Variants in CDC123 observed in about 807,000 individuals in gnomAD.
CDC123 encodes the protein cell division cycle 123.
Under a neutral mutation model 54.4 loss-of-function variants are expected in CDC123, and 37 were observed. The observed-to-expected ratio is 0.68, with a 90% CI of 0.52 to 0.89. The LOEUF is 0.89. Among genes scored for constraint, CDC123 ranks in the 40% least tolerant of loss-of-function variants. The probability of loss-of-function intolerance (pLI) is 0.00; values close to 1 mark genes in which losing one functional copy is unlikely to be tolerated. For synonymous variants in CDC123, 144 were observed against 136.8 expected, an observed-to-expected ratio of 1.05 and a Z score of -0.37; for missense variants, 361 against 412.1, an observed-to-expected ratio of 0.88 and a Z score of 1.07.
At chr10:12,199,748 A>G (rs150211838) in intron 2 of CDC123, among the ~76,000 whole-genome samples, 1 of 152,296 alleles carries the variant, frequency 6.6e-6, no homozygotes, top group African/African-American at 2.4e-5. Flanking sequence ...TTAACTTTGA[A>G]TAATTTGAGG....
intron 2 of CDC123, among the ~76,000 whole-genome samples, chr10:12,209,294 C>T (rs12098436): frequency 0.024 from 3,654 of 152,122 alleles, 145 homozygotes; most frequent in African/African-American, 0.084. Flanking sequence ...TATAGTGCAG[C>T]GGTGTGATCT....
chr10:12,230,500 C>T (rs1453202805), intron 6 of CDC123, among the ~76,000 whole-genome samples: 1 of 152,192 alleles, frequency 6.6e-6, no homozygotes, highest in Non-Finnish European at 1.5e-5. Context: ...TCCTGGGGTA[C>T]ATGGCATGTT....
chr10:12,235,415 T>C (rs538203714), intron 8 of CDC123, among the ~76,000 whole-genome samples: 1 of 152,288 alleles, frequency 6.6e-6, no homozygotes, highest in East Asian at 1.9e-4. Flanking sequence ...TCAGGAACTC[T>C]GTGTATGGAA....
chr10:12,208,881 T>C lies in CDC123; in HGVS notation c.147-1086T>C, dbSNP rs570358451. 4.6e-5 allele frequency among the ~76,000 whole-genome samples: 7 copies of C among 152,168 alleles called. No individual in the cohort carries two copies. The East Asian group carries it at 7.7e-4, about 17-fold the overall frequency. ...GACAGCATGCCTGTTTATTTTCCCCTCTCTCTCTCACCCTTTGCTGTGGTT... is the reference window on the plus strand; with the variant it reads ...GACAGCATGCCTGTTTATTTTCCCCCCTCTCTCTCACCCTTTGCTGTGGTT... On this transcript the variant is annotated intron_variant, in intron 2 of 12. Transcript: ENST00000281141.
intron 11 of CDC123, chr10:12,247,456 A>C (rs79031408): frequency 6.0e-5 from 3 of 50,122 alleles, no homozygotes; most frequent in Non-Finnish European, 1.4e-4. Flanking sequence ...CCTCCCCCTC[A>C]GGACACCGTG....
At chr10:12,197,380 G>A (rs1564430659) in intron 1 of CDC123, among the ~76,000 whole-genome samples, 1 of 92,492 alleles carries the variant, frequency 1.1e-5, no homozygotes, top group Non-Finnish European at 2.6e-5. Context: ...TGAAGAACTA[G>A]ATTTTTTTTT....
chr10:12,250,331 C>T lies in CDC123; in HGVS notation c.1005C>T (p.Asp335=), dbSNP rs373274209. The change falls in exon 13 of 13, where the codon GAC becomes GAT. Residue 335 remains aspartate, a synonymous_variant. Transcript: ENST00000281141. ...FLKLKRNQQE[D]D ...GACAGAAGAGAAATCAGCAGGAGGA[C>T]GACTGATGAGCGTACTGGAACTGGA... 213 of 1,601,156 alleles carry T rather than the reference C, an allele frequency of 1.3e-4. No individual in the cohort carries two copies. The highest frequency in any genetic ancestry group is 3.8e-4 in the South Asian group (34 of 90,360).
intron 6 of CDC123, among the ~76,000 whole-genome samples, chr10:12,227,119 G>A (rs965061979): frequency 6.6e-6 from 1 of 152,162 alleles, no homozygotes; most frequent in Non-Finnish European, 1.5e-5. Flanking sequence ...AGTCAGGCGT[G>A]GCGGCGTGCG....
chr10:12,237,200 G>C lies in CDC123; in HGVS notation c.622G>C (p.Glu208Gln), dbSNP rs1382116509. ...YYDHISKQKEEIRRCIQDFFK... is the reference protein window; with the variant it reads ...YYDHISKQKEQIRRCIQDFFK... ...TGATCATATTTCTAAACAAAAGGAA[G>C]AAATTCGCAGATGCATACAAGACTT... is the stretch of plus-strand genomic sequence containing the variant. Residue 208 changes from glutamate to glutamine, a missense_variant, in exon 9 of 13, where the codon GAA becomes CAA. By Grantham distance (29) the Glu-to-Gln change is conservative. Transcript: ENST00000281141. 1.6e-5 allele frequency: 26 copies of C among 1,588,762 alleles called. No individual in the cohort carries two copies. The highest frequency in any genetic ancestry group is 2.2e-5 in the Non-Finnish European group (26 of 1,170,918).
chr10:12,211,745 G>C (rs1454839303), intron 4 of CDC123, among the ~76,000 whole-genome samples: 1 of 152,240 alleles, frequency 6.6e-6, no homozygotes, highest in African/African-American at 2.4e-5. Context: ...CAGAATGCCT[G>C]ACAGGACAAG....
At chr10:12,212,849 A>G (rs1308216203) in intron 4 of CDC123, among the ~76,000 whole-genome samples, 2 of 152,214 alleles carry the variant, frequency 1.3e-5, no homozygotes, top group African/African-American at 4.8e-5. Context: ...CCCATTATGT[A>G]TATGCAAATA....
intron 10 of CDC123, among the ~76,000 whole-genome samples, chr10:12,239,111 C>T (rs112942705): frequency 0.01 from 1,574 of 152,082 alleles, 14 homozygotes; most frequent in Middle Eastern, 0.024. Context: ...GCCTTGATTG[C>T]GCCACTGCTC....
chr10:12,226,884 C>G (rs892248283), intron 6 of CDC123, among the ~76,000 whole-genome samples: 1 of 152,116 alleles, frequency 6.6e-6, no homozygotes, highest in African/African-American at 2.4e-5. Context: ...AATCTCGGCA[C>G]TTTGGGAGGC....
chr10:12,212,631 C>G (rs1835617916), intron 4 of CDC123, among the ~76,000 whole-genome samples: 1 of 152,166 alleles, frequency 6.6e-6, no homozygotes, highest in South Asian at 2.1e-4. Context: ...TGCCAGCATG[C>G]TTAGCTCCCA....
chr10:12,245,119 C>G (rs1836113672), intron 10 of CDC123: 1 of 152,344 alleles, frequency 6.6e-6, no homozygotes, highest in East Asian at 1.9e-4. Flanking sequence ...AAGCGCTGCT[C>G]TCTGGAGTCG....
chr10:12,250,379 G>C lies in CDC123; in HGVS notation c.*42G>C. ...GGAGAAGAGGAGGCCCCGCCCCACCGCTCCGGGAGCTGCTCATCAGCCGCA... is the reference window on the plus strand; with the variant it reads ...GGAGAAGAGGAGGCCCCGCCCCACCCCTCCGGGAGCTGCTCATCAGCCGCA... On this transcript the variant is annotated 3_prime_UTR_variant, in exon 13 of 13. Coordinates refer to ENST00000281141, the MANE Select transcript of CDC123 (RefSeq NM_006023.3). The C allele has an allele frequency of 6.6e-7, 1 of 1,506,262 alleles. No individual in the cohort carries two copies. The highest frequency in any genetic ancestry group is 1.1e-5 in the South Asian group (1 of 88,706). The allele number at this position is 1,506,262 out of a possible 1,614,324, so 93.3% of individuals were successfully genotyped here.
At chr10:12,248,698 C>T (rs1207306590) in intron 11 of CDC123, among the ~76,000 whole-genome samples, 8 of 148,494 alleles carry the variant, frequency 5.4e-5, no homozygotes, top group East Asian at 2.0e-4. Context: ...CCCAGCCACT[C>T]GGGAGGCTGA....
intron 6 of CDC123, 77 bp downstream of exon 6, chr10:12,217,544 T>G (rs1835678928): frequency 7.0e-7 from 1 of 1,434,134 alleles, no homozygotes; most frequent in Non-Finnish European, 9.5e-7. Context: ...TTCCATTACT[T>G]ATAGTACTAT....
chr10:12,244,467 G>T (rs1836101815), intron 10 of CDC123, among the ~76,000 whole-genome samples: 1 of 152,164 alleles, frequency 6.6e-6, no homozygotes. Flanking sequence ...CCCCCGCTCT[G>T]TGCGTGTCAG....
Sources: gnomAD v4.1 joint callset for allele counts (sites outside exome capture counted in the v4.1 genomes callset) on GRCh38, gnomAD v4.1.1 for gene constraint, MANE v1.5 for transcripts, NCBI Gene and HGNC (gene_info 2026-07-23, HGNC 2026-07-21) for gene names.